MARCHF1: variants seen among roughly 807,000 people sequenced by gnomAD.
MARCHF1 encodes the protein E3 ubiquitin-protein ligase MARCHF1.
A neutral mutation model predicts 54.2 loss-of-function variants in MARCHF1; 40 were observed. The observed-to-expected ratio is 0.74, with a 90% CI of 0.57 to 0.96. The LOEUF is 0.96. MARCHF1 is among the 40% of genes least tolerant of loss of function. MARCHF1 has a pLI of 0.00. For missense variants in MARCHF1, 586 were observed against 656.5 expected, an observed-to-expected ratio of 0.89 and a Z score of 1.17; for synonymous variants, 236 against 236.3, an observed-to-expected ratio of 1.00 and a Z score of 0.01.
chr4:163,841,848 T>C (rs1749349514), intron 4 of MARCHF1, among the ~76,000 whole-genome samples: 1 of 152,152 alleles, frequency 6.6e-6, no homozygotes, highest in South Asian at 2.1e-4. Context: ...ATTTTATTCC[T>C]GTAGGCTGCA....
At chr4:163,987,600 T>C (rs1752894603) in intron 3 of MARCHF1, among the ~76,000 whole-genome samples, 1 of 152,074 alleles carries the variant, frequency 6.6e-6, no homozygotes, top group Non-Finnish European at 1.5e-5. Flanking sequence ...GAACTGGAGG[T>C]AGACAAAGCC....
intron 5 of MARCHF1, among the ~76,000 whole-genome samples, chr4:163,694,121 T>G (rs897336312): frequency 3.3e-5 from 5 of 152,132 alleles, no homozygotes; most frequent in Non-Finnish European, 7.4e-5. Context: ...CTTTTAAGTT[T>G]CTCCTCAGAA....
intron 4 of MARCHF1, among the ~76,000 whole-genome samples, chr4:163,852,501 A>G (rs1314172232): frequency 2.6e-5 from 4 of 152,222 alleles, no homozygotes; most frequent in Non-Finnish European, 5.9e-5. Context: ...GTGTTAACTC[A>G]TGCCCCACAG....
intron 2 of MARCHF1, among the ~76,000 whole-genome samples, chr4:164,067,021 A>C (rs1202719821): frequency 8.4e-6 from 1 of 118,598 alleles, no homozygotes; most frequent in Admixed American, 8.9e-5. Flanking sequence ...GAACTTAAAA[A>C]AAAAAGTCTG....
intron 3 of MARCHF1, among the ~76,000 whole-genome samples, chr4:163,913,901 T>C (rs1420400046): frequency 6.6e-6 from 1 of 152,054 alleles, no homozygotes; most frequent in Non-Finnish European, 1.5e-5. Context: ...GAATGATATG[T>C]GTCATTAACA....
intron 2 of MARCHF1, among the ~76,000 whole-genome samples, chr4:164,072,681 A>G (rs1233680059): frequency 1.3e-5 from 2 of 150,072 alleles, no homozygotes; most frequent in Non-Finnish European, 3.0e-5. Context: ...AGAGCACTAA[A>G]ACCCTTAAGA....
At chr4:163,986,246 C>CTTTTTTTTTTTTTTTTTTTTTTTTTTTTT (rs1752861022) in intron 3 of MARCHF1, among the ~76,000 whole-genome samples, 4 of 73,758 alleles carry the variant, frequency 5.4e-5, no homozygotes, top group Non-Finnish European at 8.2e-5. Context: ...TAATTAACCT[C>CTTTTTTTTTTTTTTTTTTTTTTTTTTTTT]TTCTTTTTTT....
chr4:163,688,521 A>G (rs1744341680), intron 5 of MARCHF1, among the ~76,000 whole-genome samples: 1 of 152,192 alleles, frequency 6.6e-6, no homozygotes, highest in Non-Finnish European at 1.5e-5. Context: ...GCAAAATAAA[A>G]TTATTTCTTA....
At chr4:163,873,046 A>ACAAAC (rs1458446044) in intron 3 of MARCHF1, among the ~76,000 whole-genome samples, 1 of 136,618 alleles carries the variant, frequency 7.3e-6, no homozygotes, top group South Asian at 2.4e-4. Flanking sequence ...TCCGTCTCAA[A>ACAAAC]AAAAAAACAA....
At chr4:164,275,049 TTAATAA>T (rs1382052190) in intron 1 of MARCHF1, among the ~76,000 whole-genome samples, 4 of 151,448 alleles carry the variant, frequency 2.6e-5, no homozygotes, top group Non-Finnish European at 5.9e-5. Context: ...CTAATTTCCT[TTAATAA>T]TAATAACAAT....
intron 4 of MARCHF1, among the ~76,000 whole-genome samples, chr4:163,709,556 A>G (rs1277152517): frequency 6.6e-6 from 1 of 152,224 alleles, no homozygotes; most frequent in Non-Finnish European, 1.5e-5. Context: ...TCATAAAGGT[A>G]TATCTATGTG....
At chr4:163,770,919 G>T (rs1291885602) in intron 4 of MARCHF1, among the ~76,000 whole-genome samples, 1 of 152,112 alleles carries the variant, frequency 6.6e-6, no homozygotes, top group African/African-American at 2.4e-5. Context: ...GTAAGTTATT[G>T]CAAAATTAAA....
At chr4:163,570,154 T>C (rs1356038946) in intron 8 of MARCHF1, among the ~76,000 whole-genome samples, 1 of 152,112 alleles carries the variant, frequency 6.6e-6, no homozygotes, top group African/African-American at 2.4e-5. Context: ...AATTAATCAA[T>C]GCATTGAACC....
chr4:163,816,891 C>A (rs1748548544), intron 4 of MARCHF1, among the ~76,000 whole-genome samples: 1 of 152,072 alleles, frequency 6.6e-6, no homozygotes, highest in Non-Finnish European at 1.5e-5. Flanking sequence ...TGCACCCCAC[C>A]ACTGCCAGCA....
intron 8 of MARCHF1, among the ~76,000 whole-genome samples, chr4:163,559,315 A>G (rs767190524): frequency 2.0e-5 from 3 of 152,242 alleles, no homozygotes; most frequent in African/African-American, 4.8e-5. Flanking sequence ...CCATTTTAAA[A>G]TGCAACTTTA....
At chr4:163,541,674 T>A (rs1738727893) in intron 9 of MARCHF1, among the ~76,000 whole-genome samples, 1 of 152,218 alleles carries the variant, frequency 6.6e-6, no homozygotes, top group Non-Finnish European at 1.5e-5. Context: ...TTTTGCTGTT[T>A]TATATTCAAC....
intron 1 of MARCHF1, among the ~76,000 whole-genome samples, chr4:164,150,594 A>G (rs751552914): frequency 1.3e-5 from 2 of 152,174 alleles, no homozygotes; most frequent in Non-Finnish European, 2.9e-5. Flanking sequence ...TGCTCTGGGT[A>G]TACCTTGACC....
chr4:163,917,688 G>A (rs1272142950), intron 3 of MARCHF1, among the ~76,000 whole-genome samples: 1 of 151,980 alleles, frequency 6.6e-6, no homozygotes, highest in East Asian at 1.9e-4. Flanking sequence ...CTAAATATGT[G>A]CCATGGTGGT....
chr4:164,211,387 T>G (rs188215435), intron 1 of MARCHF1, among the ~76,000 whole-genome samples: 7 of 145,472 alleles, frequency 4.8e-5, no homozygotes, highest in Middle Eastern at 3.6e-3. Flanking sequence ...TGTATATATA[T>G]ACACACACAC....
Sources: allele counts gnomAD v4.1 joint callset (sites outside exome capture counted in the v4.1 genomes callset), GRCh38; gene constraint gnomAD v4.1.1; transcripts MANE v1.5; gene names NCBI Gene and HGNC (gene_info 2026-07-23, HGNC 2026-07-21).